CASP6: variants seen among roughly 807,000 people sequenced by gnomAD.
The protein encoded by CASP6 is caspase 6.
CASP6 carries 20 observed loss-of-function variants against 31.8 expected under a neutral mutation model. The observed-to-expected ratio is 0.63, with a 90% confidence interval of 0.44 to 0.91. The LOEUF (loss-of-function observed/expected upper bound fraction) is 0.91. CASP6 is among the 40% of genes least tolerant of loss of function. CASP6 has a pLI of 0.00. For missense variants in CASP6, 328 were observed against 361.1 expected (o/e 0.91, Z 0.74); for synonymous variants, 130 against 127.8 (o/e 1.02, Z -0.12).
At chr4:109,697,866 C>G (rs1171144109) in intron 2 of CASP6, 98 bp from the exon 3 acceptor site, 2 of 1,353,798 alleles carry the variant, frequency 1.5e-6, no homozygotes, top group Non-Finnish European at 2.0e-6. Flanking sequence ...TCTGAGCTTC[C>G]TCCTTGCCAG....
At chr4:109,694,237 G>A (rs1235714625) in intron 5 of CASP6, among the ~76,000 whole-genome samples, 2 of 152,184 alleles carry the variant, frequency 1.3e-5, no homozygotes, top group Non-Finnish European at 2.9e-5. Context: ...CAGCAGGTAC[G>A]CTTTCCAATG....
chr4:109,707,580 T>A (rs1730645243), upstream of CASP6, among the ~76,000 whole-genome samples: 1 of 152,106 alleles, frequency 6.6e-6, no homozygotes. Context: ...GAGATGGGGT[T>A]TCTCCATGTT....
At chr4:109,682,799 G>A in the CASP6 span, 4 of 1,334,732 alleles carry the variant, frequency 3.0e-6, no homozygotes, top group African/African-American at 1.5e-5. Context: ...TTTATTGAGT[G>A]CTCCTCATGT....
intron 3 of CASP6, among the ~76,000 whole-genome samples, 172 bp from the exon 4 acceptor site, chr4:109,696,658 G>A (rs1007240921): frequency 6.6e-6 from 1 of 152,088 alleles, no homozygotes; most frequent in Non-Finnish European, 1.5e-5. Flanking sequence ...TGGTCGGAAA[G>A]GATTTAATCA....
the CASP6 span, among the ~76,000 whole-genome samples, chr4:109,679,924 C>T: frequency 6.6e-6 from 1 of 152,140 alleles, no homozygotes; most frequent in Non-Finnish European, 1.5e-5. Context: ...GCCTCAGCCT[C>T]CTGAGTAGCT....
chr4:109,706,129 TTTTATATATATATATATA>T (rs1300771564), upstream of CASP6, among the ~76,000 whole-genome samples: 800 of 56,058 alleles, frequency 0.014, 63 homozygotes, highest in African/African-American at 0.062. Context: ...TACCTATCCA[TTTTATATATATATATATA>T]TATATATATA....
intron 1 of CASP6, among the ~76,000 whole-genome samples, chr4:109,703,133 G>T (rs1168442923): frequency 1.3e-5 from 2 of 152,248 alleles, no homozygotes; most frequent in Middle Eastern, 3.4e-3. Flanking sequence ...GCCAGGAGGC[G>T]GCAGCCAGGT....
chr4:109,695,062 T>C (rs1730195329), intron 4 of CASP6, among the ~76,000 whole-genome samples: 1 of 152,148 alleles, frequency 6.6e-6, no homozygotes, highest in Non-Finnish European at 1.5e-5. Flanking sequence ...ACTCCTGACC[T>C]CAGGTGATCC....
At chr4:109,705,994 AAAAAAAAATATATATATATATAT>A (rs1730592355), upstream of CASP6, among the ~76,000 whole-genome samples, 1 of 70,962 alleles carries the variant, frequency 1.4e-5, no homozygotes, top group Non-Finnish European at 2.4e-5. Context: ...AAAAAAAAAA[AAAAAAAAATATATATATATATAT>A]ATATATATAT....
upstream of CASP6, among the ~76,000 whole-genome samples, chr4:109,705,264 T>G (rs2126163252): frequency 6.6e-6 from 1 of 152,342 alleles, no homozygotes; most frequent in South Asian, 2.1e-4. Flanking sequence ...ACAGCACATC[T>G]ATTTACAGCA....
At chr4:109,677,924 G>A in the CASP6 span, among the ~76,000 whole-genome samples, 1 of 149,336 alleles carries the variant, frequency 6.7e-6, no homozygotes, top group Non-Finnish European at 1.5e-5. Context: ...ATAAACACGT[G>A]AACAAAGGTC....
the CASP6 span, among the ~76,000 whole-genome samples, chr4:109,667,633 G>A: frequency 1.3e-5 from 2 of 148,424 alleles, no homozygotes; most frequent in Non-Finnish European, 3.0e-5. Flanking sequence ...ATTATGTAGA[G>A]TATATTATAT....
intron 4 of CASP6, 63 bp downstream of exon 4, chr4:109,696,347 G>T: frequency 1.7e-6 from 2 of 1,174,456 alleles, no homozygotes; most frequent in Non-Finnish European, 2.5e-6. Flanking sequence ...TGTCTTTACA[G>T]ATAGGATAAA....
chr4:109,672,880 TC>T, the CASP6 span, among the ~76,000 whole-genome samples: 2 of 152,232 alleles, frequency 1.3e-5, no homozygotes, highest in South Asian at 4.1e-4. Flanking sequence ...AGAAAGATGA[TC>T]CAGGTTGACC....
At chr4:109,698,918 C>T (rs1004942294) in intron 1 of CASP6, among the ~76,000 whole-genome samples, 1 of 152,234 alleles carries the variant, frequency 6.6e-6, no homozygotes, top group African/African-American at 2.4e-5. Context: ...GGACTCCCTA[C>T]TCCCTGGACA....
chr4:109,709,113 A>C, the CASP6 span, among the ~76,000 whole-genome samples: 3 of 152,248 alleles, frequency 2.0e-5, no homozygotes, highest in African/African-American at 7.2e-5. Context: ...ACCCACAGCA[A>C]GCTTTCAGTA....
Position 109,694,713 on chromosome 4 carries a change from CA to C in CASP6, c.308-14del. 3 of 1,525,812 alleles carry C rather than the reference CA, an allele frequency of 2.0e-6. No individual in the cohort carries two copies. The highest frequency in any genetic ancestry group is 2.6e-5 in the South Asian group (2 of 76,990). 94.5% of individuals were successfully genotyped at this position (1,525,812 alleles called of 1,614,324 possible). The stretch of plus-strand genomic sequence containing the variant: ...CTAACAGTTGACACTATAAAGGACC[CA>C]AAAGAGAATATAGAAATGAAAATAT... On this transcript the variant is annotated splice_polypyrimidine_tract_variant and intron_variant, in intron 4 of 6. Transcript: ENST00000265164.
the CASP6 span, among the ~76,000 whole-genome samples, chr4:109,665,959 AAAG>A: frequency 6.6e-6 from 1 of 151,930 alleles, no homozygotes; most frequent in Admixed American, 6.6e-5. Context: ...GGGAGGAAAA[AAAG>A]AAAGGCAAGA....
At position 109,697,741 on chromosome 4, in the gene CASP6, G is replaced by C. The variant is rs1480419972; in HGVS notation, c.111C>G (p.Tyr37Ter). The C allele has an allele frequency of 1.2e-6, 2 of 1,613,542 alleles. No individual in the cohort carries two copies. The highest frequency in any genetic ancestry group is 1.7e-6 in the Non-Finnish European group (2 of 1,179,778). ...KREMFDPAEK[Y>*]KMDHRRRGIA... ...TTCCTCTCCTCCTGTGGTCCATTTT[G>C]TACTTTTCTGCCGGATCAAACATTT... Residue 37 changes from tyrosine to a stop codon, truncating the protein, a stop_gained, in exon 3 of 7, where the codon TAC becomes TAG. Transcript: ENST00000265164. LOFTEE classifies it high-confidence loss of function.
Sources: gnomAD v4.1 joint callset for allele counts (sites outside exome capture counted in the v4.1 genomes callset) on GRCh38, gnomAD v4.1.1 for gene constraint, MANE v1.5 for transcripts, NCBI Gene and HGNC (gene_info 2026-07-23, HGNC 2026-07-21) for gene names.